Variants in PHF2 observed in about 807,000 individuals in gnomAD.
PHF2 encodes PHD finger protein 2.
In PHF2, 27 loss-of-function variants were observed where a neutral mutation model predicts 120.5. The ratio of observed to expected loss-of-function variants is 0.22; its 90% CI spans 0.17 to 0.31. The LOEUF (loss-of-function observed/expected upper bound fraction) is 0.31. Ranked by LOEUF, PHF2 falls within the 10% of genes least tolerant of loss-of-function variation. PHF2 has a pLI of 1.00. For synonymous variants in PHF2, 568 were observed against 592.5 expected (o/e 0.96, Z 0.60); for missense variants, 1,024 against 1,434.8 (o/e 0.71, Z 4.63).
intron 17 of PHF2, chr9:93,672,687 C>T (rs1049888771): frequency 3.1e-6 from 3 of 976,474 alleles, no homozygotes; most frequent in Non-Finnish European, 3.6e-6. Flanking sequence ...GTTGGAGGTA[C>T]AGGTGTAGAT....
intron 1 of PHF2, among the ~76,000 whole-genome samples, chr9:93,626,944 A>G (rs568652893): frequency 2.3e-4 from 35 of 152,338 alleles, no homozygotes; most frequent in South Asian, 6.2e-4. Flanking sequence ...CTATATGTCT[A>G]TCCTTATGCC....
Position 93,649,137 on chromosome 9 carries a change from A to C in PHF2, c.527A>C (p.Glu176Ala). 1 of 1,544,808 alleles carries C rather than the reference A, an allele frequency of 6.5e-7. No homozygotes were observed. The highest frequency in any genetic ancestry group is 8.7e-7 in the Non-Finnish European group (1 of 1,143,034). Residue 176 changes from glutamate to alanine, a missense_variant, in exon 5 of 22, where the codon GAG (glutamate) becomes GCG (alanine). Coordinates refer to ENST00000359246, the MANE Select transcript of PHF2 (RefSeq NM_005392.4). ...KQKDCKMKLK[E>A]FVDYYYSTNR... ...AAGGACTGCAAGATGAAGCTGAAGG[A>C]GTTTGTGGACTATTACTACAGCACC...
intron 1 of PHF2, among the ~76,000 whole-genome samples, chr9:93,608,490 A>G (rs577303573): frequency 2.6e-5 from 4 of 151,196 alleles, no homozygotes; most frequent in South Asian, 2.1e-4. Context: ...CTCTGCTTCT[A>G]TCATCTGAAA....
In PHF2 at chr9:93,636,487, G is replaced by C. The variant is rs755961401; in HGVS notation, c.261G>C (p.Gln87His). 1.2e-6 allele frequency: 2 copies of C among 1,605,894 alleles called. No homozygotes were observed. The change falls in exon 3 of 22, where the codon CAG becomes CAC. Residue 87 changes from glutamine (Q) to histidine (H), a missense_variant. Physicochemically the swap from Gln to His is conservative, Grantham distance 24. Transcript: ENST00000359246. ...TCAAGCCCGTGCAGAATGGCAGCCA[G>C]CTCTTCATCAAGGAGCTGCGGAGCC... ...PDVKPVQNGS[Q>H]LFIKELRSRT...
At chr9:93,614,983 G>A (rs1163709302) in intron 1 of PHF2, among the ~76,000 whole-genome samples, 1 of 151,048 alleles carries the variant, frequency 6.6e-6, no homozygotes, top group African/African-American at 2.4e-5. Context: ...GACGGTAATG[G>A]TGATGATGAT....
At position 93,645,784 on chromosome 9, in the gene PHF2, A is replaced by G; in HGVS notation, c.455A>G (p.Tyr152Cys). 2 of 1,591,466 alleles carry G rather than the reference A, an allele frequency of 1.3e-6. No homozygotes were observed. Among genetic ancestry groups the G allele is most frequent in the Non-Finnish European group, 1.7e-6 (2 of 1,167,966 alleles). ...TTCTATGTCAGTGACGTCGAGAACT[A>G]CGTGGGTAAGCGCCATCCCCTTCAC... The part of the protein sequence containing the change: ...PTFYVSDVEN[Y>C]VGPERSVDVT... Residue 152 changes from tyrosine to cysteine, a missense_variant, in exon 4 of 22, where the codon TAC (tyrosine) becomes TGC (cysteine). This residue lies in a region of PHF2 where 347 missense variants were observed against 577.4 expected (regional missense o/e 0.60). Coordinates refer to ENST00000359246, the MANE Select transcript of PHF2 (RefSeq NM_005392.4).
In PHF2 at chr9:93,660,412, C is replaced by T. The variant is rs1177433394; in HGVS notation, c.1550C>T (p.Pro517Leu). Residue 517 changes from proline (P) to leucine (L), a missense_variant, in exon 12 of 22, where the codon CCC (proline) becomes CTC (leucine). Physicochemically the swap from Pro to Leu is moderately conservative, Grantham distance 98. Transcript: ENST00000359246. ...KPPKPPKPPR[P>L]PKTLKLKDGG... ...CCGAAGCCCCCTAAGCCCCCAAGGC[C>T]CCCCAAAACGCTGAAGCTCAAAGAT... The T allele has an allele frequency of 1.3e-6, 2 of 1,546,550 alleles. No individual in the cohort carries two copies. Among genetic ancestry groups the T allele is most frequent in the Non-Finnish European group, 1.7e-6 (2 of 1,145,836 alleles).
intron 11 of PHF2, 33 bp from the exon 12 acceptor site, chr9:93,660,159 G>A (rs1250624231): frequency 6.6e-7 from 1 of 1,505,136 alleles, no homozygotes; most frequent in East Asian, 2.3e-5. Flanking sequence ...TTTGGCAGAA[G>A]CAGCATGTGA....
At chr9:93,663,421 G>A in intron 13 of PHF2, 96 bp from the exon 14 acceptor site, 1 of 793,214 alleles carries the variant, frequency 1.3e-6, no homozygotes, top group Non-Finnish European at 2.1e-6. Context: ...CCTTAGTCGT[G>A]TTCCCAGTAG....
At chr9:93,650,093 C>T (rs547492194) in intron 5 of PHF2, among the ~76,000 whole-genome samples, 1 of 151,582 alleles carries the variant, frequency 6.6e-6, no homozygotes, top group Non-Finnish European at 1.5e-5. Flanking sequence ...CATTCATAGA[C>T]ACGACACACT....
chr9:93,593,722 G>A (rs10821167), intron 1 of PHF2, among the ~76,000 whole-genome samples: 58,640 of 152,118 alleles, frequency 0.39, 12,394 homozygotes, highest in Non-Finnish European at 0.48. Context: ...TTATGCAGTC[G>A]TCAGCAGTGA....
intron 5 of PHF2, among the ~76,000 whole-genome samples, chr9:93,651,377 C>G (rs1826367397): frequency 6.6e-6 from 1 of 152,218 alleles, no homozygotes; most frequent in Admixed American, 6.5e-5. Context: ...CCCTTTGCCT[C>G]CTGTTTCCAC....
chr9:93,639,600 A>AAACCTTGAATAGAAGGTG (rs1423785155), intron 3 of PHF2, among the ~76,000 whole-genome samples: 1 of 152,124 alleles, frequency 6.6e-6, no homozygotes, highest in African/African-American at 2.4e-5. Context: ...AAGAACCTCC[A>AAACCTTGAATAGAAGGTG]ATATCACCTT....
chr9:93,592,464 G>A (rs1232120101), intron 1 of PHF2, among the ~76,000 whole-genome samples: 5 of 152,144 alleles, frequency 3.3e-5, no homozygotes, highest in African/African-American at 9.7e-5. Flanking sequence ...GCAACACTTG[G>A]CAACCTGTAA....
intron 1 of PHF2, among the ~76,000 whole-genome samples, chr9:93,602,470 C>T (rs1825460329): frequency 6.6e-6 from 1 of 151,948 alleles, no homozygotes; most frequent in Non-Finnish European, 1.5e-5. Context: ...CCAGGCTGGT[C>T]TCGAACTCCT....
At chr9:93,613,550 TTTTC>T (rs1362265097) in intron 1 of PHF2, among the ~76,000 whole-genome samples, 6 of 139,328 alleles carry the variant, frequency 4.3e-5, no homozygotes, top group African/African-American at 5.1e-5. Context: ...GTTCTTCTGA[TTTTC>T]TTTTTCTTTT....
rs1259801257 is a variant in PHF2, at chr9:93,660,303, C to T, written c.1441C>T (p.Pro481Ser). 1.9e-6 allele frequency: 3 copies of T among 1,610,658 alleles called. No homozygotes were observed. The South Asian group carries it at 3.3e-5, about 18-fold the overall frequency. Residue 481 changes from proline (P) to serine (S), a missense_variant, in exon 12 of 22, where the codon CCT becomes TCT. Transcript: ENST00000359246. The stretch of plus-strand genomic sequence containing the variant: ...CCCGTCTCCCATTGAGGCCACCCCG[C>T]CTCAATCCCTCCTGGAGAAAGTGTC... ...EPPSPIEATP[P>S]QSLLEKVSKK...
Position 93,676,673 on chromosome 9 carries a change from CCATCTCTGCCGG to C in PHF2, c.2915_2926del (p.Ile972_Gly975del). The C allele has an allele frequency of 6.3e-7, 1 of 1,586,678 alleles. No homozygotes were observed. Among genetic ancestry groups the C allele is most frequent in the Non-Finnish European group, 8.6e-7 (1 of 1,166,344 alleles). On this transcript the variant is annotated inframe_deletion, in exon 21 of 22. Coordinates refer to ENST00000359246, the MANE Select transcript of PHF2 (RefSeq NM_005392.4). ...ACCACCTCCCCTTCCACCTCCACCTCCATCTCTGCCGGCACCACCTCCACCTCCACCACGCCA... is the reference window on the plus strand; with the variant it reads ...ACCACCTCCCCTTCCACCTCCACCTCCACCACCTCCACCTCCACCACGCCA...
At chr9:93,660,687 G>A (rs1826549005) in intron 12 of PHF2, 127 bp downstream of exon 12, 1 of 874,074 alleles carries the variant, frequency 1.1e-6, no homozygotes, top group Admixed American at 3.3e-5. Flanking sequence ...GAGAAGATGT[G>A]GGGGTCTGGG....
Sources: gnomAD v4.1 joint callset for allele counts (sites outside exome capture counted in the v4.1 genomes callset) on GRCh38, gnomAD v4.1.1 for gene constraint, gnomAD v4.1.1 regional missense constraint, MANE v1.5 for transcripts, NCBI Gene and HGNC (gene_info 2026-07-23, HGNC 2026-07-21) for gene names.